UBE2L3: variants seen among roughly 807,000 people sequenced by gnomAD.
UBE2L3 encodes the protein ubiquitin-conjugating enzyme E2 L3.
In UBE2L3, 1 loss-of-function variant was observed where a neutral mutation model predicts 17.8. The observed-to-expected ratio is 0.06, with a 90% CI of 0.02 to 0.27. UBE2L3 has a LOEUF of 0.27. Among genes scored for constraint, UBE2L3 ranks in the 10% least tolerant of loss-of-function variants. The pLI, the probability that UBE2L3 is intolerant of heterozygous loss-of-function variation, is 1.00. For synonymous variants in UBE2L3, 44 were observed against 68.5 expected (o/e 0.64, Z 1.76); for missense variants, 40 against 192.6 (o/e 0.21, Z 4.69).
chr22:21,563,232 A>C (rs1601385911), upstream of UBE2L3, among the ~76,000 whole-genome samples: 3 of 102,378 alleles, frequency 2.9e-5, no homozygotes, highest in Admixed American at 1.2e-4. Flanking sequence ...ACAGGGCAAG[A>C]CTCCGTCTCA....
chr22:21,558,629 C>CAA (rs131645), intron 1 of UBE2L3, among the ~76,000 whole-genome samples: 88 of 76,100 alleles, frequency 1.2e-3, no homozygotes, highest in East Asian at 1.8e-3. Flanking sequence ...GACTCTGTCT[C>CAA]AAAAAAAAAA....
chr22:21,593,970 T>C (rs1928396856), intron 2 of UBE2L3, among the ~76,000 whole-genome samples: 1 of 152,162 alleles, frequency 6.6e-6, no homozygotes, highest in Non-Finnish European at 1.5e-5. Context: ...ACATGAAGGA[T>C]TCCCACACCT....
chr22:21,606,803 T>G (rs1929200982), intron 2 of UBE2L3, among the ~76,000 whole-genome samples: 1 of 152,122 alleles, frequency 6.6e-6, no homozygotes. Flanking sequence ...GAACCGTGAT[T>G]GCACCTCTGC....
chr22:21,606,469 G>A (rs570480694), intron 2 of UBE2L3, among the ~76,000 whole-genome samples: 1 of 152,276 alleles, frequency 6.6e-6, no homozygotes, highest in South Asian at 2.1e-4. Flanking sequence ...CCCAGTGAGG[G>A]AAAGCTATTT....
At chr22:21,577,858 C>G (rs1032794631) in intron 1 of UBE2L3, among the ~76,000 whole-genome samples, 1 of 152,110 alleles carries the variant, frequency 6.6e-6, no homozygotes, top group Non-Finnish European at 1.5e-5. Context: ...AGCCCTTATC[C>G]CAGCAGGCAC....
intron 2 of UBE2L3, among the ~76,000 whole-genome samples, chr22:21,595,654 T>C (rs1928475945): frequency 6.6e-6 from 1 of 152,206 alleles, no homozygotes; most frequent in Non-Finnish European, 1.5e-5. Flanking sequence ...CTTTAAACAT[T>C]TGTTTTTCTG....
chr22:21,566,681 T>C (rs150635412), upstream of UBE2L3, among the ~76,000 whole-genome samples: 1 of 152,206 alleles, frequency 6.6e-6, no homozygotes, highest in East Asian at 1.9e-4. Context: ...CTCCCCTTTC[T>C]ACAAGACCCT....
At chr22:21,583,225 G>T (rs922484464) in intron 1 of UBE2L3, among the ~76,000 whole-genome samples, 1 of 152,046 alleles carries the variant, frequency 6.6e-6, no homozygotes, top group Non-Finnish European at 1.5e-5. Context: ...GTCTTCCCCC[G>T]TCTTTCAAGG....
intron 1 of UBE2L3, among the ~76,000 whole-genome samples, chr22:21,558,656 ATT>A (rs131646): frequency 4.1e-5 from 6 of 146,520 alleles, no homozygotes; most frequent in Admixed American, 1.4e-4. Flanking sequence ...AAAACACTTA[ATT>A]TTTTTTTTTT....
At chr22:21,596,903 CTG>C (rs1928557026) in intron 2 of UBE2L3, among the ~76,000 whole-genome samples, 1 of 152,094 alleles carries the variant, frequency 6.6e-6, no homozygotes, top group African/African-American at 2.4e-5. Flanking sequence ...GTATGTAGTG[CTG>C]TCTCATTGTG....
chr22:21,590,357 C>T (rs1040918518), intron 1 of UBE2L3, among the ~76,000 whole-genome samples: 1 of 152,144 alleles, frequency 6.6e-6, no homozygotes, highest in Non-Finnish European at 1.5e-5. Flanking sequence ...ACCACCACAC[C>T]CGGCTGATTT....
At chr22:21,600,607 A>T (rs1928804852) in intron 2 of UBE2L3, among the ~76,000 whole-genome samples, 1 of 152,162 alleles carries the variant, frequency 6.6e-6, no homozygotes, top group African/African-American at 2.4e-5. Context: ...GAGGCAGGAG[A>T]ATTACTTGAA....
chr22:21,572,641 T>A (rs913619109), intron 1 of UBE2L3, among the ~76,000 whole-genome samples: 13 of 152,144 alleles, frequency 8.5e-5, no homozygotes, highest in African/African-American at 3.1e-4. Context: ...GAGCCACATT[T>A]CTTTGCAGCT....
intron 2 of UBE2L3, among the ~76,000 whole-genome samples, chr22:21,609,486 C>T (rs1383962111): frequency 1.3e-5 from 2 of 152,098 alleles, no homozygotes; most frequent in East Asian, 1.9e-4. Flanking sequence ...ACAGGCAGAT[C>T]TCTTGAGCCC....
chr22:21,564,593 T>G (rs552967215), upstream of UBE2L3, among the ~76,000 whole-genome samples: 1 of 152,276 alleles, frequency 6.6e-6, no homozygotes, highest in East Asian at 1.9e-4. Flanking sequence ...GGGAGTCATC[T>G]TGCAGGCAGC....
intron 1 of UBE2L3, among the ~76,000 whole-genome samples, chr22:21,577,421 A>G (rs1041120542): frequency 1.3e-5 from 2 of 152,150 alleles, no homozygotes; most frequent in African/African-American, 2.4e-5. Flanking sequence ...TTCTCTTTCA[A>G]CCTTGAAGCA....
At chr22:21,612,638 C>CTTTTTTTTTTT (rs1568987475) in intron 3 of UBE2L3, among the ~76,000 whole-genome samples, 4 of 60,498 alleles carry the variant, frequency 6.6e-5, no homozygotes, top group Admixed American at 2.2e-4. Context: ...TTTTTCTTTT[C>CTTTTTTTTTTT]TTTTCTTTTT....
At chr22:21,619,853 G>A (rs1435866119) in intron 3 of UBE2L3, among the ~76,000 whole-genome samples, 1 of 152,138 alleles carries the variant, frequency 6.6e-6, no homozygotes, top group Non-Finnish European at 1.5e-5. Context: ...CACCATGCCT[G>A]GCTAATTTTT....
At chr22:21,563,818 G>A (rs1054205857), upstream of UBE2L3, among the ~76,000 whole-genome samples, 1 of 151,472 alleles carries the variant, frequency 6.6e-6, no homozygotes, top group East Asian at 2.0e-4. Flanking sequence ...CTTGTGATCC[G>A]CCTGCCTCAG....
Sources: gnomAD v4.1 joint callset for allele counts (sites outside exome capture counted in the v4.1 genomes callset) on GRCh38, gnomAD v4.1.1 for gene constraint, MANE v1.5 for transcripts, NCBI Gene and HGNC (gene_info 2026-07-23, HGNC 2026-07-21) for gene names.